Variants in DOCK5 observed in about 807,000 individuals in gnomAD.
DOCK5 encodes the protein dedicator of cytokinesis 5.
Under a neutral mutation model 251.8 loss-of-function variants are expected in DOCK5, and 142 were observed. The observed-to-expected ratio is 0.56, with a 90% CI of 0.49 to 0.65. The LOEUF is 0.65. Ranked by LOEUF, DOCK5 falls within the 30% of genes least tolerant of loss-of-function variation. DOCK5 has a pLI of 0.00. For missense variants in DOCK5, 2,111 were observed against 2,312.3 expected (o/e 0.91, Z 1.79); for synonymous variants, 842 against 835.5 (o/e 1.01, Z -0.13).
chr8:25,374,642 T>G lies in DOCK5; in HGVS notation c.3804T>G (p.Ala1268=). 1.2e-6 allele frequency: 2 copies of G among 1,613,840 alleles called. No homozygotes were observed. The highest frequency in any genetic ancestry group is 1.3e-5 in the African/African-American group (1 of 75,054). The part of the protein sequence containing the change: ...TEAAYTLLLH[A]ELLQWSDKPC... ...CTGCCTACACGCTTCTCTTGCACGCTGAGCTTCTGCAGGTGAATGGCTCAG... is the reference window on the plus strand; with the variant it reads ...CTGCCTACACGCTTCTCTTGCACGCGGAGCTTCTGCAGGTGAATGGCTCAG... The change falls in exon 37 of 52, where the codon GCT becomes GCG. Residue 1268 remains alanine, a synonymous_variant. Coordinates refer to ENST00000276440, the MANE Select transcript of DOCK5 (RefSeq NM_024940.8).
chr8:25,205,519 C>T (rs1258863221), intron 1 of DOCK5, among the ~76,000 whole-genome samples: 2 of 152,170 alleles, frequency 1.3e-5, no homozygotes, highest in Non-Finnish European at 2.9e-5. Context: ...AAATACGAGT[C>T]CACTGTTGCC....
intron 1 of DOCK5, among the ~76,000 whole-genome samples, chr8:25,201,570 A>T (rs1801878751): frequency 6.6e-6 from 1 of 152,200 alleles, no homozygotes; most frequent in African/African-American, 2.4e-5. Flanking sequence ...CGGGCAGCCA[A>T]GCCATGCTTG....
intron 24 of DOCK5, 124 bp from the exon 25 acceptor site, chr8:25,342,277 C>T (rs1055244870): frequency 4.5e-6 from 3 of 662,616 alleles, no homozygotes; most frequent in Non-Finnish European, 5.2e-6. Flanking sequence ...ACTCTCAGGT[C>T]ATTTTGTAGT....
chr8:25,344,738 A>G (rs141953619), intron 25 of DOCK5, among the ~76,000 whole-genome samples: 36 of 152,350 alleles, frequency 2.4e-4, no homozygotes, highest in African/African-American at 6.7e-4. Flanking sequence ...TACTAAAGCA[A>G]ATTATTACTA....
chr8:25,402,327 C>T (rs981447248), intron 47 of DOCK5, among the ~76,000 whole-genome samples: 8 of 152,146 alleles, frequency 5.3e-5, no homozygotes, highest in African/African-American at 1.4e-4. Context: ...GACAGAGTCT[C>T]GCTCTGTCGC....
rs1804021850 is a variant in DOCK5 at position 25,275,372 on chromosome 8, T to G, written c.169-14T>G. The G allele has an allele frequency of 2.5e-6, 4 of 1,593,842 alleles. No homozygotes were observed. In the East Asian group the frequency reaches 6.7e-5, roughly 27 times the overall value. ...GTTTTTATGGCCATATAACCAAAAT[T>G]CTTTTCTCTGTAGGGCATTTTCCCT... On this transcript the variant is annotated splice_polypyrimidine_tract_variant and intron_variant, in intron 3 of 51. Transcript: ENST00000276440.
At chr8:25,375,836 G>A (rs906689024) in intron 37 of DOCK5, 30 of 982,352 alleles carry the variant, frequency 3.1e-5, no homozygotes, top group African/African-American at 1.4e-4. Flanking sequence ...GGTGGCTCAC[G>A]CCTGTAATCC....
intron 20 of DOCK5, among the ~76,000 whole-genome samples, chr8:25,333,536 GT>G (rs1259310574): frequency 6.6e-6 from 1 of 152,194 alleles, no homozygotes; most frequent in Non-Finnish European, 1.5e-5. Context: ...GCAGCTGGCA[GT>G]GGGCATAGAT....
At chr8:25,247,631 A>G (rs1396050697) in intron 2 of DOCK5, among the ~76,000 whole-genome samples, 1 of 152,106 alleles carries the variant, frequency 6.6e-6, no homozygotes, top group Non-Finnish European at 1.5e-5. Flanking sequence ...GTGTCTCACT[A>G]TACTTTACCA....
intron 36 of DOCK5, among the ~76,000 whole-genome samples, chr8:25,374,238 G>T (rs373901088): frequency 7.9e-5 from 12 of 152,192 alleles, no homozygotes; most frequent in African/African-American, 2.9e-4. Context: ...CAGTAGTGGG[G>T]AGGGGGGTCA....
At chr8:25,257,483 TACTTTTGGAC>T (rs1372682346) in intron 2 of DOCK5, among the ~76,000 whole-genome samples, 1 of 152,222 alleles carries the variant, frequency 6.6e-6, no homozygotes, top group Non-Finnish European at 1.5e-5. Context: ...ATGACGTTTA[TACTTTTGGAC>T]ACGACATAAA....
chr8:25,223,239 C>T (rs976911840), intron 1 of DOCK5, among the ~76,000 whole-genome samples: 10 of 152,174 alleles, frequency 6.6e-5, no homozygotes, highest in Non-Finnish European at 1.0e-4. Context: ...CTCCTGGCCT[C>T]GAGTGATCCT....
intron 1 of DOCK5, among the ~76,000 whole-genome samples, chr8:25,239,589 G>A (rs560711328): frequency 2.6e-5 from 4 of 152,254 alleles, no homozygotes; most frequent in African/African-American, 9.6e-5. Flanking sequence ...TGAATAGGGA[G>A]TAGGAGATGT....
chr8:25,352,932 TGAG>T (rs1228570195), intron 27 of DOCK5, among the ~76,000 whole-genome samples: 3 of 151,840 alleles, frequency 2.0e-5, no homozygotes, highest in Admixed American at 6.6e-5. Context: ...GGTAAAAACT[TGAG>T]GAAGGTAAGG....
intron 50 of DOCK5, 112 bp downstream of exon 50, chr8:25,409,052 C>G: frequency 6.7e-7 from 1 of 1,485,390 alleles, no homozygotes; most frequent in African/African-American, 1.4e-5. Flanking sequence ...CATTGTAAAA[C>G]TGGTTCAATT....
At chr8:25,281,889 G>GAAAAAAAAAAAAAAAAAAAAAAA (rs57465549) in intron 5 of DOCK5, among the ~76,000 whole-genome samples, 3 of 127,134 alleles carry the variant, frequency 2.4e-5, no homozygotes, top group Non-Finnish European at 3.3e-5. Context: ...AAAAAAAAAA[G>GAAAAAAAAAAAAAAAAAAAAAAA]AAAAAAAAAA....
rs1245656663 is a variant in DOCK5 at position 25,302,212 on chromosome 8, C to G, written c.847-113C>G. On this transcript the variant is annotated intron_variant, in intron 9 of 51. Coordinates refer to ENST00000276440, the MANE Select transcript of DOCK5 (RefSeq NM_024940.8). ...GAAGAGAGTCGTTCTAATACTTCAGCATTGAGAAATAAGGTCGGAACAGGA... is the reference window on the plus strand; with the variant it reads ...GAAGAGAGTCGTTCTAATACTTCAGGATTGAGAAATAAGGTCGGAACAGGA... 3 of 1,376,884 alleles carry G rather than the reference C, an allele frequency of 2.2e-6. No individual in the cohort carries two copies. The East Asian group carries it at 7.7e-5, about 35-fold the overall frequency. 85.3% of individuals were successfully genotyped at this position (1,376,884 alleles called of 1,614,324 possible). A position where few individuals can be genotyped will look rare whatever the true frequency, so the allele number is the denominator to read the frequency against.
At chr8:25,287,800 G>A (rs1199874840) in intron 5 of DOCK5, among the ~76,000 whole-genome samples, 2 of 152,062 alleles carry the variant, frequency 1.3e-5, no homozygotes, top group African/African-American at 4.8e-5. Context: ...GGCGGGCCTG[G>A]GCAGTATGGG....
chr8:25,361,948 G>T (rs994197545), intron 28 of DOCK5, among the ~76,000 whole-genome samples: 4 of 152,338 alleles, frequency 2.6e-5, no homozygotes, highest in African/African-American at 9.6e-5. Flanking sequence ...AAGAATCCCA[G>T]TGGAAAAGGT....
Sources: allele counts gnomAD v4.1 joint callset (sites outside exome capture counted in the v4.1 genomes callset), GRCh38; gene constraint gnomAD v4.1.1; transcripts MANE v1.5; gene names NCBI Gene and HGNC (gene_info 2026-07-23, HGNC 2026-07-21).